Variants in ELOVL6 observed in about 807,000 individuals in gnomAD.
ELOVL6 encodes the protein ELOVL fatty acid elongase 6.
In ELOVL6, 8 loss-of-function variants were observed where a neutral mutation model predicts 31.7. The ratio of observed to expected loss-of-function variants is 0.25; its 90% CI spans 0.15 to 0.45. The LOEUF (loss-of-function observed/expected upper bound fraction) is 0.45, where lower values mean the gene tolerates loss of function less well. ELOVL6 is among the 20% of genes least tolerant of loss of function. The probability of loss-of-function intolerance (pLI) is 1.00; values close to 1 mark genes in which losing one functional copy is unlikely to be tolerated. For missense variants in ELOVL6, 126 were observed against 326.4 expected, an observed-to-expected ratio of 0.39 and a Z score of 4.73; for synonymous variants, 101 against 117.7, an observed-to-expected ratio of 0.86 and a Z score of 0.92.
intron 1 of ELOVL6, among the ~76,000 whole-genome samples, chr4:110,170,589 G>C (rs1343468337): frequency 6.6e-6 from 1 of 152,058 alleles, no homozygotes; most frequent in Non-Finnish European, 1.5e-5. Context: ...CAGTGTACTT[G>C]GTCCTACCTT....
chr4:110,099,042 C>T (rs1205054263), intron 2 of ELOVL6, among the ~76,000 whole-genome samples: 2 of 152,112 alleles, frequency 1.3e-5, no homozygotes, highest in African/African-American at 2.4e-5. Flanking sequence ...TTTTATAGGT[C>T]ATTCATGTCC....
chr4:110,074,366 A>C (rs751381405), intron 2 of ELOVL6, among the ~76,000 whole-genome samples: 2 of 152,198 alleles, frequency 1.3e-5, no homozygotes, highest in Non-Finnish European at 2.9e-5. Flanking sequence ...TTGAATCTGC[A>C]GATGCAGAAC....
chr4:110,104,777 GGTGCTAATTA>G (rs1475215981), intron 2 of ELOVL6, among the ~76,000 whole-genome samples: 2 of 152,094 alleles, frequency 1.3e-5, no homozygotes, highest in African/African-American at 4.8e-5. Context: ...ACACCAGCTG[GGTGCTAATTA>G]GTCTTGTGAT....
intron 2 of ELOVL6, among the ~76,000 whole-genome samples, chr4:110,080,452 A>C (rs1755803788): frequency 6.6e-6 from 1 of 152,240 alleles, no homozygotes; most frequent in South Asian, 2.1e-4. Context: ...CAAATCAGTA[A>C]ACGTAATCCA....
chr4:110,139,158 TAAAC>T (rs886901400), intron 1 of ELOVL6, among the ~76,000 whole-genome samples: 53 of 152,204 alleles, frequency 3.5e-4, no homozygotes, highest in African/African-American at 1.2e-3. Flanking sequence ...AATTAAAAAA[TAAAC>T]AACAAAATGA....
At chr4:110,102,614 T>G (rs1048330469) in intron 2 of ELOVL6, among the ~76,000 whole-genome samples, 1 of 151,952 alleles carries the variant, frequency 6.6e-6, no homozygotes, top group South Asian at 2.1e-4. Flanking sequence ...GAGCCGTGAT[T>G]GTGCCACTGC....
intron 1 of ELOVL6, among the ~76,000 whole-genome samples, chr4:110,135,389 G>A (rs1227961323): frequency 2.0e-5 from 3 of 152,202 alleles, no homozygotes; most frequent in African/African-American, 7.2e-5. Flanking sequence ...TGTAAGAAAT[G>A]GAGTGAGGTC....
chr4:110,148,754 A>G (rs1167717444), intron 1 of ELOVL6, among the ~76,000 whole-genome samples: 1 of 113,328 alleles, frequency 8.8e-6, no homozygotes, highest in African/African-American at 2.9e-5. Flanking sequence ...CCATAAATAT[A>G]TACACTTACT....
intron 1 of ELOVL6, among the ~76,000 whole-genome samples, chr4:110,170,013 C>A (rs1758897824): frequency 6.6e-6 from 1 of 151,944 alleles, no homozygotes; most frequent in African/African-American, 2.4e-5. Flanking sequence ...CCATGTTTTA[C>A]CATGTTGGCC....
At position 110,092,894 on chromosome 4, in the gene ELOVL6, T is replaced by C. The variant is rs538123301; in HGVS notation, c.221+12603A>G. Among the ~76,000 whole-genome samples, 3 of 152,306 alleles carry C rather than the reference T, an allele frequency of 2.0e-5. No homozygotes were observed. The East Asian group carries it at 5.8e-4, about 29-fold the overall frequency. Reference sequence around the variant, plus strand: ...GAGATAACATGAAGTTTATACAAACTGTAATCCCTAACTATGTCTTAATTC... The same window carrying C: ...GAGATAACATGAAGTTTATACAAACCGTAATCCCTAACTATGTCTTAATTC... On this transcript the variant is annotated intron_variant, in intron 2 of 3. Coordinates refer to ENST00000302274, the MANE Select transcript of ELOVL6 (RefSeq NM_024090.3).
In ELOVL6 at chr4:110,047,059, A is replaced by G. The variant is rs1319988553; in HGVS notation, c.*4279T>C. ...GGCTTTACGATCATCCTAAATTGAG[A>G]GCAAGGTATTTATTATCGAAAACAG... On this transcript the variant is annotated 3_prime_UTR_variant, in exon 4 of 4. Transcript: ENST00000302274. 6.6e-6 allele frequency: 1 copy of G among 152,240 alleles called. No individual in the cohort carries two copies. Among genetic ancestry groups the G allele is most frequent in the Non-Finnish European group, 1.5e-5 (1 of 68,038 alleles). The allele number at this position is 152,240 out of a possible 1,614,324, so 9.4% of individuals were successfully genotyped here.
chr4:110,167,759 C>T (rs1408078110), intron 1 of ELOVL6, among the ~76,000 whole-genome samples: 1 of 152,112 alleles, frequency 6.6e-6, no homozygotes, highest in African/African-American at 2.4e-5. Context: ...TGGTCTCAAA[C>T]TCCTGGCCTC....
At chr4:110,139,434 G>A (rs898579832) in intron 1 of ELOVL6, among the ~76,000 whole-genome samples, 5 of 152,056 alleles carry the variant, frequency 3.3e-5, no homozygotes, top group South Asian at 2.1e-4. Context: ...TATTTCTATC[G>A]TAGTTTTCCC....
At chr4:110,195,052 T>C (rs1051614246) in intron 1 of ELOVL6, among the ~76,000 whole-genome samples, 2 of 152,184 alleles carry the variant, frequency 1.3e-5, no homozygotes, top group Non-Finnish European at 2.9e-5. Flanking sequence ...TATGGTTTCC[T>C]CAAGTTCCTC....
At chr4:110,114,398 T>A (rs757683175) in intron 1 of ELOVL6, among the ~76,000 whole-genome samples, 21 of 152,130 alleles carry the variant, frequency 1.4e-4, no homozygotes, top group Non-Finnish European at 2.8e-4. Context: ...CCTAGACATA[T>A]AGAATCTCAA....
At chr4:110,181,744 G>A (rs1759280451) in intron 1 of ELOVL6, among the ~76,000 whole-genome samples, 1 of 152,176 alleles carries the variant, frequency 6.6e-6, no homozygotes, top group African/African-American at 2.4e-5. Context: ...AAGTCTAGAA[G>A]ACTAGAAATG....
At chr4:110,083,455 G>T (rs1260586217) in intron 2 of ELOVL6, among the ~76,000 whole-genome samples, 1 of 151,696 alleles carries the variant, frequency 6.6e-6, no homozygotes, top group Non-Finnish European at 1.5e-5. Context: ...GAGCCCAGAG[G>T]CTGGCGGTGA....
At chr4:110,088,471 C>T (rs1356033805) in intron 2 of ELOVL6, among the ~76,000 whole-genome samples, 1 of 152,094 alleles carries the variant, frequency 6.6e-6, no homozygotes, top group East Asian at 1.9e-4. Flanking sequence ...GCACTGTGGC[C>T]GTAAGTCTTG....
At chr4:110,077,001 C>A (rs1200517570) in intron 2 of ELOVL6, among the ~76,000 whole-genome samples, 1 of 152,170 alleles carries the variant, frequency 6.6e-6, no homozygotes, top group Non-Finnish European at 1.5e-5. Context: ...GCACAGCAGT[C>A]TGAGATCAAA....
Sources: gnomAD v4.1 joint callset for allele counts (sites outside exome capture counted in the v4.1 genomes callset) on GRCh38, gnomAD v4.1.1 for gene constraint, MANE v1.5 for transcripts, NCBI Gene and HGNC (gene_info 2026-07-23, HGNC 2026-07-21) for gene names.